Variants in PLEKHA5 observed in about 807,000 individuals in gnomAD.
PLEKHA5 encodes pleckstrin homology domain-containing family A member 5.
Under a neutral mutation model 181.9 loss-of-function variants are expected in PLEKHA5, and 55 were observed. The ratio of observed to expected loss-of-function variants is 0.30; its 90% CI spans 0.24 to 0.38. The LOEUF is 0.38. PLEKHA5 is among the 10% of genes least tolerant of loss of function. The pLI is 1.00. For synonymous variants in PLEKHA5, 535 were observed against 529.4 expected (o/e 1.01, Z -0.15); for missense variants, 1,432 against 1,549.5 (o/e 0.92, Z 1.27).
chr12:19,368,034 C>A (rs1275970186), intron 30 of PLEKHA5, among the ~76,000 whole-genome samples: 1 of 152,032 alleles, frequency 6.6e-6, no homozygotes, highest in East Asian at 1.9e-4. Flanking sequence ...CTGGGCAGAA[C>A]ATCTTCCGTA....
intron 20 of PLEKHA5, among the ~76,000 whole-genome samples, chr12:19,334,802 C>A (rs1592530346): frequency 5.0e-5 from 3 of 59,752 alleles, no homozygotes; most frequent in Non-Finnish European, 7.6e-5. Context: ...GGCAACATGG[C>A]AAAATCCTGT....
At chr12:19,144,805 T>C (rs2038457834) in intron 3 of PLEKHA5, among the ~76,000 whole-genome samples, 1 of 152,226 alleles carries the variant, frequency 6.6e-6, no homozygotes, top group Non-Finnish European at 1.5e-5. Flanking sequence ...ATTCAATATC[T>C]GTTAATTTTT....
intron 3 of PLEKHA5, chr12:19,237,167 T>C (rs1255397215): frequency 6.6e-6 from 1 of 152,186 alleles, no homozygotes; most frequent in East Asian, 1.9e-4. Flanking sequence ...TAATATCTAG[T>C]GCAAAGGATT....
At chr12:19,253,148 C>T (rs1278963205) in intron 3 of PLEKHA5, among the ~76,000 whole-genome samples, 1 of 134,540 alleles carries the variant, frequency 7.4e-6, no homozygotes, top group African/African-American at 2.7e-5. Context: ...AATCTCAGCT[C>T]ACTGCAACCT....
At chr12:19,186,061 A>T (rs2049797491) in intron 3 of PLEKHA5, among the ~76,000 whole-genome samples, 1 of 152,190 alleles carries the variant, frequency 6.6e-6, no homozygotes, top group African/African-American at 2.4e-5. Flanking sequence ...TAGGACTCAG[A>T]CCATAAACCC....
chr12:19,254,163 A>G, intron 4 of PLEKHA5, 140 bp downstream of exon 4: 1 of 658,674 alleles, frequency 1.5e-6, no homozygotes, highest in South Asian at 1.9e-5. Flanking sequence ...GCTGTTCACA[A>G]TGTGTCATAT....
chr12:19,352,322 T>C (rs1405145607), intron 25 of PLEKHA5, among the ~76,000 whole-genome samples: 2 of 151,546 alleles, frequency 1.3e-5, no homozygotes, highest in African/African-American at 2.4e-5. Flanking sequence ...GAGGCAGAGG[T>C]TGCAGTGAGC....
At chr12:19,203,051 A>G (rs574009869) in intron 3 of PLEKHA5, among the ~76,000 whole-genome samples, 77 of 152,208 alleles carry the variant, frequency 5.1e-4, no homozygotes, top group Non-Finnish European at 8.7e-4. Flanking sequence ...TAAGTGATAT[A>G]TAAGGATTTA....
In PLEKHA5 at chr12:19,366,025, A is replaced by C; in HGVS notation, c.3670A>C (p.Lys1224Gln). Residue 1224 changes from lysine (K) to glutamine (Q), a missense_variant, in exon 30 of 32, where the codon AAG (lysine) becomes CAG (glutamine). Transcript: ENST00000429027. ...AGAAGAGCATCCTGAAGAAAATACA[A>C]AGAACAGTGTTGACGAACAGGAAGA... Reference protein sequence around the residue: ...KPEEHPEENTKNSVDEQEETV... With the variant: ...KPEEHPEENTQNSVDEQEETV... 6 of 1,612,032 alleles carry C rather than the reference A, an allele frequency of 3.7e-6. No homozygotes were observed. The highest frequency in any genetic ancestry group is 5.1e-6 in the Non-Finnish European group (6 of 1,178,470).
At chr12:19,155,989 A>G (rs2041594484) in intron 3 of PLEKHA5, among the ~76,000 whole-genome samples, 1 of 152,208 alleles carries the variant, frequency 6.6e-6, no homozygotes, top group South Asian at 2.1e-4. Context: ...AAGTTCAGAG[A>G]AGGTAATTTT....
At chr12:19,238,019 G>A (rs1411729733) in intron 3 of PLEKHA5, among the ~76,000 whole-genome samples, 2 of 151,806 alleles carry the variant, frequency 1.3e-5, no homozygotes, top group Non-Finnish European at 2.9e-5. Context: ...TCGCATAATT[G>A]TTTTCTTGCA....
At chr12:19,355,628 C>A (rs2094887016) in intron 26 of PLEKHA5, among the ~76,000 whole-genome samples, 1 of 151,836 alleles carries the variant, frequency 6.6e-6, no homozygotes, top group South Asian at 2.1e-4. Flanking sequence ...AAAAAAAACT[C>A]AGCTGCATTT....
chr12:19,278,261 T>C (rs1028264886), intron 11 of PLEKHA5, among the ~76,000 whole-genome samples: 1 of 152,178 alleles, frequency 6.6e-6, no homozygotes, highest in Non-Finnish European at 1.5e-5. Context: ...TTAATGATCA[T>C]ATGATAGTTG....
intron 3 of PLEKHA5, among the ~76,000 whole-genome samples, chr12:19,244,979 A>T (rs546781373): frequency 4.6e-5 from 7 of 151,698 alleles, no homozygotes; most frequent in Admixed American, 2.0e-4. Context: ...ATAGAGATTT[A>T]AAAAAAAACC....
intron 3 of PLEKHA5, among the ~76,000 whole-genome samples, chr12:19,214,223 A>T (rs1245110216): frequency 6.6e-6 from 1 of 151,286 alleles, no homozygotes; most frequent in Non-Finnish European, 1.5e-5. Context: ...GAGGACTGAG[A>T]TTAGGAAAAC....
intron 20 of PLEKHA5, among the ~76,000 whole-genome samples, chr12:19,326,969 A>G (rs184503391): frequency 1.2e-4 from 18 of 152,262 alleles, no homozygotes; most frequent in Admixed American, 5.2e-4. Flanking sequence ...TCCACCATTG[A>G]TGGGCATCTA....
chr12:19,198,400 T>C (rs1437058353), intron 3 of PLEKHA5, among the ~76,000 whole-genome samples: 1 of 152,208 alleles, frequency 6.6e-6, no homozygotes, highest in African/African-American at 2.4e-5. Flanking sequence ...TTCCCCTTTT[T>C]GTGACATTAA....
intron 20 of PLEKHA5, among the ~76,000 whole-genome samples, chr12:19,323,989 C>G (rs180962743): frequency 6.6e-6 from 1 of 152,120 alleles, no homozygotes; most frequent in Non-Finnish European, 1.5e-5. Context: ...GTGGTCATCT[C>G]TATAAACATA....
At chr12:19,265,319 C>T (rs1054828231) in intron 7 of PLEKHA5, among the ~76,000 whole-genome samples, 3 of 151,958 alleles carry the variant, frequency 2.0e-5, no homozygotes, top group African/African-American at 4.8e-5. Context: ...GTAACATTCT[C>T]GAAGGAGAAC....
Sources: allele counts gnomAD v4.1 joint callset (sites outside exome capture counted in the v4.1 genomes callset), GRCh38; gene constraint gnomAD v4.1.1; transcripts MANE v1.5; gene names NCBI Gene and HGNC (gene_info 2026-07-23, HGNC 2026-07-21).